Variants in ARHGAP35 observed in about 807,000 individuals in gnomAD.
ARHGAP35 encodes the protein rho GTPase-activating protein 35.
ARHGAP35 carries 15 observed loss-of-function variants against 111.1 expected under a neutral mutation model. The ratio of observed to expected loss-of-function variants is 0.13; its 90% CI spans 0.09 to 0.21. The LOEUF (loss-of-function observed/expected upper bound fraction) is 0.21. Among genes scored for constraint, ARHGAP35 ranks in the 10% least tolerant of loss-of-function variants. The probability of loss-of-function intolerance (pLI) is 1.00; values close to 1 mark genes in which losing one functional copy is unlikely to be tolerated. For missense variants in ARHGAP35, 1,262 were observed against 1,873.0 expected (o/e 0.67, Z 6.02); for synonymous variants, 643 against 710.3 (o/e 0.91, Z 1.51).
intron 3 of ARHGAP35, among the ~76,000 whole-genome samples, chr19:46,964,740 A>AG (rs2056503224): frequency 6.6e-6 from 1 of 152,184 alleles, no homozygotes; most frequent in African/African-American, 2.4e-5. Flanking sequence ...AGCTTATGGA[A>AG]GGGGGTTCTA....
rs980657762 is a variant in ARHGAP35, at chr19:46,908,087, C to T, written c.-188-10401C>T. On this transcript the variant is annotated intron_variant, in intron 1 of 6. Transcript: ENST00000672722. This position sits in a 1 kb window ranked among gnomAD's most constrained non-coding sequence, Gnocchi z 4.2. ...TTTCTTCAGCACTGTCCTTTGTTGGCAAGGCACATTTGGCTGGACGCAGCC... is the reference window on the plus strand; with the variant it reads ...TTTCTTCAGCACTGTCCTTTGTTGGTAAGGCACATTTGGCTGGACGCAGCC... 1.3e-5 allele frequency among the ~76,000 whole-genome samples: 2 copies of T among 152,174 alleles called. No individual in the cohort carries two copies. Among genetic ancestry groups the T allele is most frequent in the African/African-American group, 4.8e-5 (2 of 41,420 alleles).
At position 46,999,494 on chromosome 19, in the gene ARHGAP35, C is replaced by T. The variant is rs1040952680; in HGVS notation, c.4142+85C>T. On this transcript the variant is annotated intron_variant, in intron 6 of 6. Coordinates refer to ENST00000672722, the MANE Select transcript of ARHGAP35 (RefSeq NM_004491.5). This position sits in a 1 kb window ranked among gnomAD's most constrained non-coding sequence, Gnocchi z 5.4. ...GTGTCGCAGAACAAGGCTCTGTCCA[C>T]AAGCCAGTAGAAGCCTCAGGCCCTG... 3 of 940,322 alleles carry T rather than the reference C, an allele frequency of 3.2e-6. No individual in the cohort carries two copies. The East Asian group carries it at 7.9e-5, about 25-fold the overall frequency. The allele number at this position is 940,322 out of a possible 1,614,324, so 58.2% of individuals were successfully genotyped here.
At chr19:46,898,264 A>G (rs866781551) in intron 1 of ARHGAP35, among the ~76,000 whole-genome samples, 2 of 152,002 alleles carry the variant, frequency 1.3e-5, no homozygotes, top group Non-Finnish European at 2.9e-5. Flanking sequence ...AACAAAAAGA[A>G]GTGCCCTCTG....
At chr19:46,944,128 T>A (rs183186739) in intron 3 of ARHGAP35, among the ~76,000 whole-genome samples, 1 of 151,990 alleles carries the variant, frequency 6.6e-6, no homozygotes, top group Non-Finnish European at 1.5e-5. Flanking sequence ...GGTAAAATCC[T>A]GTCTCTACCA....
chr19:46,943,633 T>A (rs1210852721), intron 3 of ARHGAP35, among the ~76,000 whole-genome samples: 1 of 152,168 alleles, frequency 6.6e-6, no homozygotes, highest in Non-Finnish European at 1.5e-5. Context: ...AGAGATGACA[T>A]TCCCAATGAA....
At chr19:46,984,165 AT>A (rs1254978107) in intron 3 of ARHGAP35, among the ~76,000 whole-genome samples, 1 of 152,048 alleles carries the variant, frequency 6.6e-6, no homozygotes, top group Non-Finnish European at 1.5e-5. Flanking sequence ...GTCTTTGGAG[AT>A]TTCTGGTAGG....
rs541051470 is a variant in ARHGAP35, at chr19:46,868,100, TC to T, written c.-189+6892del. ...CCAGCCTGGTCTCGAACTCCTGACC[TC>T]AGGTGATCCACCTGCCTCAGCCTCC... is the stretch of plus-strand genomic sequence containing the variant. On this transcript the variant is annotated intron_variant, in intron 1 of 6. Coordinates refer to ENST00000672722, the MANE Select transcript of ARHGAP35 (RefSeq NM_004491.5). Among the ~76,000 whole-genome samples the T allele has an allele frequency of 1.2e-3, 184 of 152,334 alleles. 1 individual carries two copies. Among genetic ancestry groups the T allele is most frequent in the Middle Eastern group, 3.4e-3 (1 of 294 alleles).
At chr19:46,933,137 C>CT (rs1174653724) in intron 2 of ARHGAP35, among the ~76,000 whole-genome samples, 51,143 of 99,572 alleles carry the variant, frequency 0.51, 14,111 homozygotes, top group Middle Eastern at 0.64. Flanking sequence ...AGTGTGCCTT[C>CT]TTTTTTTTTT....
chr19:46,932,479 G>A (rs1423664431), intron 2 of ARHGAP35, among the ~76,000 whole-genome samples: 2 of 152,182 alleles, frequency 1.3e-5, no homozygotes, highest in Non-Finnish European at 2.9e-5. Context: ...TCCCTGAAGA[G>A]TGACACACGT....
chr19:46,958,046 G>A (rs1374518795), intron 3 of ARHGAP35, among the ~76,000 whole-genome samples: 1 of 151,340 alleles, frequency 6.6e-6, no homozygotes. Context: ...TGGGACTACA[G>A]GCCCAAGCCA....
intron 3 of ARHGAP35, among the ~76,000 whole-genome samples, chr19:46,938,055 C>G (rs1365578352): frequency 1.3e-5 from 2 of 152,196 alleles, no homozygotes; most frequent in East Asian, 3.9e-4. Flanking sequence ...TTCATTTGAG[C>G]TCTCATGTGT....
intron 3 of ARHGAP35, among the ~76,000 whole-genome samples, chr19:46,970,874 C>T (rs1298070194): frequency 4.6e-5 from 7 of 152,078 alleles, no homozygotes; most frequent in African/African-American, 9.7e-5. Context: ...CACAGCTCTC[C>T]GTGACAGGAG....
intron 3 of ARHGAP35, among the ~76,000 whole-genome samples, chr19:46,944,130 T>A (rs1293441462): frequency 6.6e-6 from 1 of 151,824 alleles, no homozygotes; most frequent in Non-Finnish European, 1.5e-5. Flanking sequence ...TAAAATCCTG[T>A]CTCTACCAAA....
intron 3 of ARHGAP35, among the ~76,000 whole-genome samples, chr19:46,987,153 G>A (rs1054743908): frequency 6.7e-6 from 1 of 149,318 alleles, no homozygotes; most frequent in East Asian, 2.0e-4. Flanking sequence ...CACACCCTGC[G>A]CAAGTTAATT....
chr19:46,940,426 G>T (rs2056340006), intron 3 of ARHGAP35, among the ~76,000 whole-genome samples: 1 of 151,482 alleles, frequency 6.6e-6, no homozygotes, highest in Non-Finnish European at 1.5e-5. Flanking sequence ...TACTCGGGAA[G>T]CTGAGGCAGG....
chr19:46,887,136 T>C (rs1270319693), intron 1 of ARHGAP35, among the ~76,000 whole-genome samples: 2 of 152,140 alleles, frequency 1.3e-5, no homozygotes, highest in African/African-American at 4.8e-5. Context: ...CTCCACATCA[T>C]CAGTTTTGGT....
chr19:46,954,003 G>A (rs530284666), intron 3 of ARHGAP35, among the ~76,000 whole-genome samples: 1 of 152,284 alleles, frequency 6.6e-6, no homozygotes, highest in African/African-American at 2.4e-5. Flanking sequence ...GTCCCCTTGT[G>A]TTAGGGATAC....
At chr19:46,941,443 C>T (rs1298882754) in intron 3 of ARHGAP35, among the ~76,000 whole-genome samples, 1 of 151,938 alleles carries the variant, frequency 6.6e-6, no homozygotes, top group African/African-American at 2.4e-5. Context: ...TGGCACGCAT[C>T]TGTGGTCCCA....
At chr19:46,934,432 A>G (rs2056292480) in intron 2 of ARHGAP35, among the ~76,000 whole-genome samples, 1 of 152,182 alleles carries the variant, frequency 6.6e-6, no homozygotes, top group Non-Finnish European at 1.5e-5. Context: ...CAATGGCACA[A>G]TCTCGGCTCA....
Sources: gnomAD v4.1 joint callset for allele counts (sites outside exome capture counted in the v4.1 genomes callset) on GRCh38, gnomAD v4.1.1 for gene constraint, Gnocchi (gnomAD v3.1) non-coding constraint, MANE v1.5 for transcripts, NCBI Gene and HGNC (gene_info 2026-07-23, HGNC 2026-07-21) for gene names.